Variants in LRRC43 observed in about 807,000 individuals in gnomAD.
LRRC43 encodes the protein leucine rich repeat containing 43, also known as leucine-rich repeat-containing protein 43.
Under a neutral mutation model 64.3 loss-of-function variants are expected in LRRC43, and 62 were observed. That is an observed-to-expected ratio of 0.96 (90% CI 0.79 to 1.19). The LOEUF (loss-of-function observed/expected upper bound fraction) is 1.19, where lower values mean the gene tolerates loss of function less well. Among genes scored for constraint, LRRC43 ranks in the 50% most tolerant of loss-of-function variants. The probability of loss-of-function intolerance (pLI) is 0.00; values close to 1 mark genes in which losing one functional copy is unlikely to be tolerated. For synonymous variants in LRRC43, 422 were observed against 382.3 expected, an observed-to-expected ratio of 1.10 and a Z score of -1.21; for missense variants, 868 against 845.0, an observed-to-expected ratio of 1.03 and a Z score of -0.34.
chr12:122,200,879 T>C lies in LRRC43; in HGVS notation c.1754T>C (p.Val585Ala). ...LLAGEPLVST[V>A]CNFGVVRTLT... ...GCCGGGGAGCCCCTGGTGTCCACCG[T>C]GTGCAACTTCGGCGTGGTCCGCACA... The change falls in exon 10 of 12, where the codon GTG becomes GCG. Residue 585 changes from valine to alanine, a missense_variant. Val to Ala is a moderately conservative substitution (Grantham distance 64). Coordinates refer to ENST00000339777, the MANE Select transcript of LRRC43 (RefSeq NM_001098519.2). This position sits in a 1 kb window ranked among gnomAD's most constrained non-coding sequence, Gnocchi z 4.6. 5.0e-6 allele frequency: 8 copies of C among 1,612,874 alleles called. No individual in the cohort carries two copies. Among genetic ancestry groups the C allele is most frequent in the Non-Finnish European group, 6.8e-6 (8 of 1,179,786 alleles).
At chr12:122,193,713 C>T (rs546881609) in intron 7 of LRRC43, among the ~76,000 whole-genome samples, 34 of 152,138 alleles carry the variant, frequency 2.2e-4, no homozygotes, top group Non-Finnish European at 4.1e-4. Context: ...GCATGTGCTA[C>T]CATGCCCAGC....
upstream of LRRC43, among the ~76,000 whole-genome samples, chr12:122,182,585 C>T (rs1305508060): frequency 1.3e-5 from 2 of 149,198 alleles, no homozygotes; most frequent in East Asian, 4.0e-4. Flanking sequence ...CCCAGCTACT[C>T]GGGAGGCTGA....
intron 7 of LRRC43, among the ~76,000 whole-genome samples, chr12:122,194,751 G>T (rs1226746666): frequency 6.6e-6 from 1 of 151,980 alleles, no homozygotes; most frequent in East Asian, 1.9e-4. Context: ...AATTACAGAT[G>T]TGGGGCACTA....
intron 3 of LRRC43, among the ~76,000 whole-genome samples, chr12:122,187,051 T>C (rs984963037): frequency 4.0e-5 from 6 of 151,578 alleles, no homozygotes; most frequent in African/African-American, 1.5e-4. Flanking sequence ...CTGGGCAACA[T>C]AGGAATATCC....
At position 122,184,860 on chromosome 12, in the gene LRRC43, A is replaced by AACCTCCCTTAGGG; in HGVS notation, c.411+81_411+82insACCTCCCTTAGGG. On this transcript the variant is annotated intron_variant, in intron 2 of 11. Transcript: ENST00000339777. The surrounding 1 kb of genome is among the most constrained non-coding windows in gnomAD (Gnocchi z 4.0). ...TTGTGGGGAGGGCACCCTTCCCCAC[A>AACCTCCCTTAGGG]GCGCGTCAGGGATCCTGCTTTCAGG... 3 of 1,459,792 alleles carry AACCTCCCTTAGGG rather than the reference A, an allele frequency of 2.1e-6. No individual in the cohort carries two copies. Among genetic ancestry groups the AACCTCCCTTAGGG allele is most frequent in the Non-Finnish European group, 2.8e-6 (3 of 1,073,422 alleles). The allele number at this position is 1,459,792 out of a possible 1,614,324, so 90.4% of individuals were successfully genotyped here.
intron 4 of LRRC43, 190 bp from the exon 5 acceptor site, chr12:122,189,940 G>C: frequency 1.5e-6 from 1 of 661,446 alleles, no homozygotes; most frequent in Non-Finnish European, 2.7e-6. Context: ...CAGTGCTACG[G>C]AGAGTGGAGA....
intron 4 of LRRC43, 119 bp from the exon 5 acceptor site, chr12:122,190,011 T>C: frequency 1.2e-6 from 1 of 836,382 alleles, no homozygotes; most frequent in Non-Finnish European, 2.0e-6. Context: ...AGGACAGGGG[T>C]GCAGGCCGTG....
chr12:122,191,223 G>A (rs1953713991), intron 5 of LRRC43, among the ~76,000 whole-genome samples, 157 bp from the exon 6 acceptor site: 2 of 152,206 alleles, frequency 1.3e-5, no homozygotes, highest in South Asian at 2.1e-4. Context: ...CTCCAGGCCA[G>A]CTTGCCAGAG....
At position 122,169,157 on chromosome 12, in the gene LRRC43, C is replaced by T. The variant is rs77368157; in HGVS notation, c.-406+1375C>T. Among the ~76,000 whole-genome samples, 4 of 152,278 alleles carry T rather than the reference C, an allele frequency of 2.6e-5. No individual in the cohort carries two copies. In the East Asian group the frequency reaches 7.7e-4, roughly 29 times the overall value. ...TGCTCTGTTCTTTAGAAGGGAGTCA[C>T]CAAGTCCCACCCGCCTTCAAGATGA... On this transcript the variant is annotated intron_variant, in intron 1 of 5. Transcript: ENST00000537729.
Position 122,200,654 on chromosome 12 carries a change from G to C in LRRC43, c.1614G>C (p.Pro538=), listed in dbSNP as rs372295185. The C allele has an allele frequency of 7.4e-6, 12 of 1,613,956 alleles. No homozygotes were observed. In the South Asian group the frequency reaches 9.9e-5, roughly 13 times the overall value. Residue 538 remains proline (P), a synonymous_variant, in exon 9 of 12, where the codon CCG becomes CCC. Transcript: ENST00000339777. The surrounding 1 kb of genome is among the most constrained non-coding windows in gnomAD (Gnocchi z 4.6). ...KDRTGKGEKE[P]AKEWKVLKKK... ...GGACGGGGAAAGGAGAGAAAGAGCC[G>C]GCCAAGGTACCGGGCCTTGGTGCTG... is the stretch of plus-strand genomic sequence containing the variant.
intron 3 of LRRC43, among the ~76,000 whole-genome samples, chr12:122,186,973 G>A (rs999449116): frequency 6.6e-6 from 1 of 151,498 alleles, no homozygotes; most frequent in African/African-American, 2.4e-5. Context: ...AATGAAGTAG[G>A]CCTGAATCCC....
upstream of LRRC43, among the ~76,000 whole-genome samples, chr12:122,179,840 G>T (rs765133132): frequency 3.3e-5 from 5 of 151,818 alleles, no homozygotes; most frequent in Admixed American, 6.6e-5. Flanking sequence ...GTGTGGTGGC[G>T]CGTGTCTGTA....
Position 122,184,582 on chromosome 12 carries a change from G to T in LRRC43, c.214G>T (p.Asp72Tyr), listed in dbSNP as rs1953618939. ...GAGGGAGCTTGTCCCCAGAGAGGAG[G>T]ATGTGGTGAGCCCCGGAGAGGAGAC... is the stretch of plus-strand genomic sequence containing the variant. ...TWRELVPREE[D>Y]VVSPGEETVE... Residue 72 changes from aspartate (D) to tyrosine (Y), a missense_variant, in exon 2 of 12, where the codon GAT becomes TAT. Physicochemically the swap from Asp to Tyr is radical, Grantham distance 160 (BLOSUM62 -3). Coordinates refer to ENST00000339777, the MANE Select transcript of LRRC43 (RefSeq NM_001098519.2). This position sits in a 1 kb window ranked among gnomAD's most constrained non-coding sequence, Gnocchi z 4.0. 6.2e-7 allele frequency: 1 copy of T among 1,613,856 alleles called. No homozygotes were observed. Among genetic ancestry groups the T allele is most frequent in the Non-Finnish European group, 8.5e-7 (1 of 1,179,880 alleles).
upstream of LRRC43, among the ~76,000 whole-genome samples, chr12:122,182,086 C>T (rs1167073310): frequency 6.6e-6 from 1 of 151,962 alleles, no homozygotes; most frequent in Non-Finnish European, 1.5e-5. Context: ...GGATCAATGT[C>T]CTTATAAAAG....
chr12:122,184,557 G>A lies in LRRC43; in HGVS notation c.189G>A (p.Trp63Ter), dbSNP rs201504564. Residue 63 changes from tryptophan (W) to a stop codon, truncating the protein, a stop_gained, in exon 2 of 12, where the codon TGG becomes TGA. Coordinates refer to ENST00000339777, the MANE Select transcript of LRRC43 (RefSeq NM_001098519.2). LOFTEE classifies it high-confidence loss of function. The surrounding 1 kb of genome is among the most constrained non-coding windows in gnomAD (Gnocchi z 4.0). Reference protein sequence around the residue: ...SRFLPQTWRTWRELVPREEDV... With the variant: ...SRFLPQTWRT ...TTCTTCCTCAAACTTGGCGAACTTG[G>A]AGGGAGCTTGTCCCCAGAGAGGAGG... 4.6e-4 allele frequency: 742 copies of A among 1,613,730 alleles called. 2 individuals are homozygous for A. The highest frequency in any genetic ancestry group is 6.0e-4 in the Non-Finnish European group (706 of 1,179,850).
Position 122,184,734 on chromosome 12 carries a change from C to CT in LRRC43, c.368dup (p.Phe124LeufsTer20). 3 of 1,612,810 alleles carry CT rather than the reference C, an allele frequency of 1.9e-6. No individual in the cohort carries two copies. Among genetic ancestry groups the CT allele is most frequent in the Non-Finnish European group, 2.5e-6 (3 of 1,179,412 alleles). Reference sequence around the variant, plus strand: ...GGAACCCGCTGACGATCACAGACACCTTCTTCTACTCCTACTTCCGGTCCC... The same window carrying CT: ...GGAACCCGCTGACGATCACAGACACCTTTCTTCTACTCCTACTTCCGGTCCC... On this transcript the variant is annotated frameshift_variant, in exon 2 of 12. Transcript: ENST00000339777. LOFTEE classifies it high-confidence loss of function. The surrounding 1 kb of genome is among the most constrained non-coding windows in gnomAD (Gnocchi z 4.0).
At chr12:122,192,282 T>C (rs1311368447) in intron 6 of LRRC43, among the ~76,000 whole-genome samples, 14 of 152,122 alleles carry the variant, frequency 9.2e-5, no homozygotes, top group Non-Finnish European at 1.5e-5. Flanking sequence ...GATTACAGGC[T>C]CGCGCCACCA....
chr12:122,193,131 G>A (rs578014301), intron 7 of LRRC43, 127 bp downstream of exon 7: 63 of 952,982 alleles, frequency 6.6e-5, no homozygotes, highest in Middle Eastern at 6.7e-4. Flanking sequence ...CTGTAATCCC[G>A]GCACTTTGGG....
At chr12:122,183,339 GGGGAGGCAC>G in intron 1 of LRRC43, 45 bp downstream of exon 1, 1 of 1,399,832 alleles carries the variant, frequency 7.1e-7, no homozygotes, top group Non-Finnish European at 9.2e-7. Flanking sequence ...GACCGGCTGC[GGGGAGGCAC>G]GGGCCCGGGC....
Sources: allele counts gnomAD v4.1 joint callset (sites outside exome capture counted in the v4.1 genomes callset), GRCh38; gene constraint gnomAD v4.1.1; non-coding constraint Gnocchi (gnomAD v3.1); transcripts MANE v1.5; gene names NCBI Gene and HGNC (gene_info 2026-07-23, HGNC 2026-07-21).